GPC5: variants seen among roughly 807,000 people sequenced by gnomAD.
The protein encoded by GPC5 is glypican-5.
A neutral mutation model predicts 53.9 loss-of-function variants in GPC5; 47 were observed. The ratio of observed to expected loss-of-function variants is 0.87; its 90% CI spans 0.69 to 1.11. GPC5 has a LOEUF of 1.11. Among genes scored for constraint, GPC5 ranks in the 50% most tolerant of loss-of-function variants. The pLI, the probability that GPC5 is intolerant of heterozygous loss-of-function variation, is 0.00. For synonymous variants in GPC5, 286 were observed against 263.3 expected, an observed-to-expected ratio of 1.09 and a Z score of -0.84; for missense variants, 748 against 713.1, an observed-to-expected ratio of 1.05 and a Z score of -0.56.
chr13:92,817,693 C>A lies in GPC5; in HGVS notation c.1562-48589C>A, dbSNP rs551649817. On this transcript the variant is annotated intron_variant, in intron 7 of 7. Coordinates refer to ENST00000377067, the MANE Select transcript of GPC5 (RefSeq NM_004466.6). ...CCAACATATTTATTTCTTCTTGGGG[C>A]TCTCTTGAAGTCATAAAAGTATACC... Among the ~76,000 whole-genome samples, 4 of 151,946 alleles carry A rather than the reference C, an allele frequency of 2.6e-5. No homozygotes were observed. The East Asian group carries it at 5.8e-4, about 22-fold the overall frequency.
At chr13:91,902,499 T>C (rs2039507370) in intron 5 of GPC5, among the ~76,000 whole-genome samples, 1 of 152,042 alleles carries the variant, frequency 6.6e-6, no homozygotes, top group Non-Finnish European at 1.5e-5. Context: ...CAGCTCTGCT[T>C]AGAAGAAAGA....
intron 7 of GPC5, among the ~76,000 whole-genome samples, chr13:92,832,563 C>T (rs1304725183): frequency 6.6e-6 from 1 of 152,048 alleles, no homozygotes. Flanking sequence ...CTCATTATCA[C>T]CTTGGTGAAA....
chr13:91,840,365 G>C (rs1486657407), intron 5 of GPC5, among the ~76,000 whole-genome samples: 1 of 152,054 alleles, frequency 6.6e-6, no homozygotes, highest in African/African-American at 2.4e-5. Context: ...ATTAATGAAA[G>C]TATATGTGGA....
At chr13:92,268,648 G>A (rs9589476) in intron 7 of GPC5, among the ~76,000 whole-genome samples, 8,935 of 151,056 alleles carry the variant, frequency 0.059, 299 homozygotes, top group African/African-American at 0.082. Context: ...TAGAACTTTT[G>A]TAGCCATTTT....
At chr13:91,658,198 C>T (rs1448067413) in intron 2 of GPC5, among the ~76,000 whole-genome samples, 1 of 152,124 alleles carries the variant, frequency 6.6e-6, no homozygotes, top group Non-Finnish European at 1.5e-5. Context: ...TCCCACCTAT[C>T]ACAAGTTTAT....
intron 4 of GPC5, among the ~76,000 whole-genome samples, chr13:91,737,185 G>C (rs920776841): frequency 1.3e-5 from 2 of 151,320 alleles, no homozygotes; most frequent in African/African-American, 4.9e-5. Context: ...CTGTTTTTAG[G>C]AAAAAGTGGT....
intron 5 of GPC5, among the ~76,000 whole-genome samples, chr13:91,808,150 C>T (rs1442254694): frequency 6.6e-6 from 1 of 152,040 alleles, no homozygotes; most frequent in Non-Finnish European, 1.5e-5. Context: ...TGTAGTATGG[C>T]CCATTGTAAA....
intron 6 of GPC5, among the ~76,000 whole-genome samples, chr13:92,009,585 T>C (rs571556690): frequency 6.6e-6 from 1 of 152,292 alleles, no homozygotes; most frequent in South Asian, 2.1e-4. Flanking sequence ...GCTTTTATAT[T>C]CAGCAACAAA....
In GPC5 at chr13:92,642,545, G is replaced by A. The variant is rs190501068; in HGVS notation, c.1562-223737G>A. 2.0e-5 allele frequency among the ~76,000 whole-genome samples: 3 copies of A among 152,292 alleles called. No individual in the cohort carries two copies. In the East Asian group the frequency reaches 5.8e-4, roughly 29 times the overall value. On this transcript the variant is annotated intron_variant, in intron 7 of 7. Coordinates refer to ENST00000377067, the MANE Select transcript of GPC5 (RefSeq NM_004466.6). ...CAACCAGATAGAGATTGAAGAGGAC[G>A]CCATCTCTGTCTACTAAATCGTGTG...
At chr13:92,837,861 G>C (rs889752877) in intron 7 of GPC5, among the ~76,000 whole-genome samples, 6 of 152,040 alleles carry the variant, frequency 3.9e-5, no homozygotes, top group Non-Finnish European at 8.8e-5. Flanking sequence ...GGGAGGCCGA[G>C]GCGGGCGGAT....
chr13:92,036,081 T>G (rs115593612), intron 6 of GPC5, among the ~76,000 whole-genome samples: 2,284 of 152,308 alleles, frequency 0.015, 53 homozygotes, highest in African/African-American at 0.052. Flanking sequence ...CATCTTCCAG[T>G]TAAATGTGGC....
At chr13:91,426,110 A>G (rs1448260956) in intron 1 of GPC5, among the ~76,000 whole-genome samples, 1 of 152,170 alleles carries the variant, frequency 6.6e-6, no homozygotes, top group African/African-American at 2.4e-5. Flanking sequence ...CAGCCTAACA[A>G]TGTGGTAGAA....
At chr13:92,676,181 C>T (rs1442731569) in intron 7 of GPC5, among the ~76,000 whole-genome samples, 10 of 152,076 alleles carry the variant, frequency 6.6e-5, no homozygotes, top group Admixed American at 6.6e-4. Flanking sequence ...CATTATATAA[C>T]AGACATTGAT....
chr13:92,638,765 G>A (rs1214205706), intron 7 of GPC5, among the ~76,000 whole-genome samples: 2 of 152,162 alleles, frequency 1.3e-5, no homozygotes, highest in African/African-American at 2.4e-5. Context: ...CAAAGAACAA[G>A]GGGCAGAGTA....
intron 7 of GPC5, among the ~76,000 whole-genome samples, chr13:92,412,816 A>G (rs1333997812): frequency 1.3e-5 from 2 of 152,170 alleles, no homozygotes; most frequent in African/African-American, 4.8e-5. Flanking sequence ...ATATAGATAG[A>G]TACATTAATA....
At chr13:92,121,705 G>A (rs1458117227) in intron 6 of GPC5, among the ~76,000 whole-genome samples, 1 of 152,120 alleles carries the variant, frequency 6.6e-6, no homozygotes, top group Non-Finnish European at 1.5e-5. Flanking sequence ...AGACTATCAG[G>A]ACAATTCTAT....
chr13:91,961,982 C>T (rs893123358), intron 6 of GPC5, among the ~76,000 whole-genome samples: 4 of 152,072 alleles, frequency 2.6e-5, no homozygotes, highest in Non-Finnish European at 5.9e-5. Flanking sequence ...ATGTCAGAAA[C>T]ATTTTTATAT....
rs144588471 is a variant in GPC5, at chr13:92,607,743, A to G, written c.1562-258539A>G. Among the ~76,000 whole-genome samples the G allele has an allele frequency of 3.3e-3, 506 of 152,324 alleles. 3 individuals carry two copies. Among genetic ancestry groups the G allele is most frequent in the African/African-American group, 0.012 (490 of 41,576 alleles). On this transcript the variant is annotated intron_variant, in intron 7 of 7. Coordinates refer to ENST00000377067, the MANE Select transcript of GPC5 (RefSeq NM_004466.6). ...TAAATTGAGCTGATTTAATGTATGC[A>G]TTTCATCACATACTTACTATTTTTT...
At chr13:92,362,192 T>A (rs1367846289) in intron 7 of GPC5, among the ~76,000 whole-genome samples, 2 of 113,716 alleles carry the variant, frequency 1.8e-5, no homozygotes, top group East Asian at 2.3e-4. Context: ...GTTTCAGATA[T>A]GTTTGTTGAG....
Sources: allele counts gnomAD v4.1 joint callset (sites outside exome capture counted in the v4.1 genomes callset), GRCh38; gene constraint gnomAD v4.1.1; transcripts MANE v1.5; gene names NCBI Gene and HGNC (gene_info 2026-07-23, HGNC 2026-07-21).